Variants in RNF150 observed in about 807,000 individuals in gnomAD.
RNF150 encodes ring finger protein 150.
In RNF150, 24 loss-of-function variants were observed where a neutral mutation model predicts 39.3. The observed-to-expected ratio is 0.61, with a 90% CI of 0.44 to 0.86. The LOEUF (loss-of-function observed/expected upper bound fraction) is 0.86, where lower values mean the gene tolerates loss of function less well. RNF150 is among the 40% of genes least tolerant of loss of function. RNF150 has a pLI of 0.00. For synonymous variants in RNF150, 255 were observed against 227.3 expected (o/e 1.12, Z -1.10); for missense variants, 502 against 587.8 (o/e 0.85, Z 1.51).
intron 1 of RNF150, among the ~76,000 whole-genome samples, chr4:141,212,212 C>T (rs946457677): frequency 3.9e-5 from 6 of 152,146 alleles, no homozygotes; most frequent in African/African-American, 1.4e-4. Flanking sequence ...CTGTGGATCT[C>T]CAACAGCCGG....
chr4:141,041,539 T>C (rs1441544548), intron 1 of RNF150, among the ~76,000 whole-genome samples: 1 of 152,110 alleles, frequency 6.6e-6, no homozygotes, highest in Admixed American at 6.6e-5. Flanking sequence ...TATCCAAATG[T>C]TCCCAGAATC....
At chr4:140,880,048 G>C (rs1286840615) in intron 6 of RNF150, among the ~76,000 whole-genome samples, 1 of 151,868 alleles carries the variant, frequency 6.6e-6, no homozygotes, top group Non-Finnish European at 1.5e-5. Flanking sequence ...TAATAGAAGT[G>C]GTAAGAGTGA....
chr4:140,942,447 G>A (rs1732125917), intron 4 of RNF150, among the ~76,000 whole-genome samples: 1 of 152,178 alleles, frequency 6.6e-6, no homozygotes, highest in South Asian at 2.1e-4. Context: ...TTTAGGATAG[G>A]TGTTGTTAGG....
At chr4:140,987,069 T>C (rs1191645513) in intron 1 of RNF150, among the ~76,000 whole-genome samples, 1 of 151,634 alleles carries the variant, frequency 6.6e-6, no homozygotes, top group East Asian at 1.9e-4. Context: ...ATAAAGGAGG[T>C]GAAAGAGTTC....
intron 6 of RNF150, among the ~76,000 whole-genome samples, chr4:140,881,791 G>A (rs1391612564): frequency 6.6e-6 from 1 of 152,054 alleles, no homozygotes; most frequent in African/African-American, 2.4e-5. Context: ...TGAGGTGGGA[G>A]GATATCATGA....
At chr4:141,027,915 T>G (rs1560696642) in intron 1 of RNF150, among the ~76,000 whole-genome samples, 1 of 56,396 alleles carries the variant, frequency 1.8e-5, no homozygotes, top group Non-Finnish European at 3.5e-5. Context: ...GGAATTTGTT[T>G]TTTTTTTTTT....
intron 1 of RNF150, among the ~76,000 whole-genome samples, chr4:141,083,132 A>G (rs1276939444): frequency 3.3e-5 from 5 of 152,242 alleles, no homozygotes; most frequent in Non-Finnish European, 7.3e-5. Context: ...CTCCAAATGA[A>G]CTGCCAGAAT....
intron 1 of RNF150, among the ~76,000 whole-genome samples, chr4:141,036,093 C>T: frequency 6.6e-6 from 1 of 152,168 alleles, no homozygotes; most frequent in East Asian, 1.9e-4. Context: ...GTCAAAAGTA[C>T]ATAAATGTGA....
chr4:141,014,859 C>G (rs755576325), intron 1 of RNF150, among the ~76,000 whole-genome samples: 2 of 152,124 alleles, frequency 1.3e-5, no homozygotes, highest in Non-Finnish European at 2.9e-5. Context: ...CCTTTGTTGC[C>G]TGTGCTTTCA....
intron 1 of RNF150, among the ~76,000 whole-genome samples, chr4:140,991,343 T>C (rs1396099407): frequency 6.6e-6 from 1 of 152,208 alleles, no homozygotes; most frequent in Non-Finnish European, 1.5e-5. Flanking sequence ...AGAAGCTCCT[T>C]AGTTTAATTA....
At chr4:140,935,010 T>TATATATATATATAA (rs1731786967) in intron 4 of RNF150, among the ~76,000 whole-genome samples, 1 of 104,162 alleles carries the variant, frequency 9.6e-6, no homozygotes, top group African/African-American at 3.9e-5. Context: ...TATATATAAA[T>TATATATATATATAA]ATATATATAT....
intron 1 of RNF150, among the ~76,000 whole-genome samples, chr4:141,095,418 T>C (rs1263162353): frequency 6.6e-6 from 1 of 151,842 alleles, no homozygotes; most frequent in Non-Finnish European, 1.5e-5. Flanking sequence ...AAGCCTTAAT[T>C]AAAAACAACA....
At chr4:141,207,802 T>G (rs1728397311) in intron 1 of RNF150, among the ~76,000 whole-genome samples, 1 of 152,206 alleles carries the variant, frequency 6.6e-6, no homozygotes, top group Admixed American at 6.5e-5. Context: ...AATCAGAAGT[T>G]CTATTTTTAC....
rs150448331 is a variant in RNF150, at chr4:141,180,914, G to C, written c.-6+31880C>G. ...TACAGTATTTTTGTTTATTTATATA[G>C]ATAAAGCAAGATTCAGTAATTTCAT... On this transcript the variant is annotated intron_variant, in intron 1 of 7. Coordinates refer to the RNF150 transcript ENST00000420921. Among the ~76,000 whole-genome samples, 59 of 152,194 alleles carry C rather than the reference G, an allele frequency of 3.9e-4. No homozygotes were observed. In the East Asian group the frequency reaches 0.011, roughly 28 times the overall value.
At chr4:141,107,253 C>T (rs577727422) in intron 1 of RNF150, among the ~76,000 whole-genome samples, 3 of 152,194 alleles carry the variant, frequency 2.0e-5, no homozygotes, top group Non-Finnish European at 4.4e-5. Flanking sequence ...CTACCTATTG[C>T]TTTGCTTTAT....
chr4:140,921,169 TTAAAG>T (rs1731116377), intron 5 of RNF150, among the ~76,000 whole-genome samples: 1 of 101,212 alleles, frequency 9.9e-6, no homozygotes, highest in Non-Finnish European at 2.0e-5. Flanking sequence ...ACCCTAAAAC[TTAAAG>T]TATAATAATA....
intron 1 of RNF150, among the ~76,000 whole-genome samples, chr4:141,113,324 G>A (rs1739450718): frequency 2.6e-5 from 3 of 116,306 alleles, no homozygotes; most frequent in Admixed American, 2.1e-4. Context: ...GGAATATTTA[G>A]CAAATGGAAA....
chr4:141,151,439 CACACACACACACACACACACACAG>C (rs577455748), intron 1 of RNF150, among the ~76,000 whole-genome samples: 8,392 of 110,818 alleles, frequency 0.076, 302 homozygotes, highest in South Asian at 0.12. Flanking sequence ...CACACACACA[CACACACACACACACACACACACAG>C]ACACACACAC....
At chr4:140,924,238 C>G (rs1731292387) in intron 5 of RNF150, among the ~76,000 whole-genome samples, 1 of 152,096 alleles carries the variant, frequency 6.6e-6, no homozygotes. Context: ...GGCCAGAATG[C>G]CCAAATGCTA....
Sources: allele counts gnomAD v4.1 joint callset (sites outside exome capture counted in the v4.1 genomes callset), GRCh38; gene constraint gnomAD v4.1.1; transcripts MANE v1.5; gene names NCBI Gene and HGNC (gene_info 2026-07-23, HGNC 2026-07-21).